The following RAPH1 variants were observed in gnomAD, a reference collection of about 807,000 sequenced individuals.
RAPH1 encodes ras-associated and pleckstrin homology domains-containing protein 1.
Under a neutral mutation model 88.1 loss-of-function variants are expected in RAPH1, and 18 were observed. The observed-to-expected ratio is 0.20, with a 90% CI of 0.14 to 0.30. RAPH1 has a LOEUF of 0.30. RAPH1 is among the 10% of genes least tolerant of loss of function. The pLI, the probability that RAPH1 is intolerant of heterozygous loss-of-function variation, is 1.00. For synonymous variants in RAPH1, 587 were observed against 559.0 expected, an observed-to-expected ratio of 1.05 and a Z score of -0.71; for missense variants, 1,448 against 1,543.2, an observed-to-expected ratio of 0.94 and a Z score of 1.03.
rs1299929622 is a variant in RAPH1, at chr2:203,437,635, G to A, written c.*1802C>T. 1 of 152,832 alleles carries A rather than the reference G, an allele frequency of 6.5e-6. No individual in the cohort carries two copies. Among genetic ancestry groups the A allele is most frequent in the Non-Finnish European group, 1.5e-5 (1 of 68,530 alleles). 9.5% of individuals were successfully genotyped at this position (152,832 alleles called of 1,614,324 possible). On this transcript the variant is annotated 3_prime_UTR_variant, in exon 14 of 14. Transcript: ENST00000319170. ...CATAACCGAACAATATTCTGGAGAT[G>A]TAGCAATGGAGAGGTGCTGTTCACT...
intron 4 of RAPH1, among the ~76,000 whole-genome samples, chr2:203,487,120 CAGAA>C (rs1180480924): frequency 1.3e-5 from 2 of 152,270 alleles, no homozygotes; most frequent in Non-Finnish European, 2.9e-5. Flanking sequence ...ATTTTACAGA[CAGAA>C]AGACATGCAT....
chr2:203,485,512 C>T (rs1438688258), intron 4 of RAPH1, among the ~76,000 whole-genome samples: 1 of 151,950 alleles, frequency 6.6e-6, no homozygotes, highest in Non-Finnish European at 1.5e-5. Flanking sequence ...CTTCCTGGTC[C>T]ATATACACTC....
At chr2:203,457,296 C>T (rs2256623) in intron 8 of RAPH1, among the ~76,000 whole-genome samples, 150,701 of 152,140 alleles carry the variant, frequency 0.99, 74,661 homozygotes, top group Middle Eastern at 1. Context: ...CAAGCAATTC[C>T]CTGCCTCAGC....
intron 1 of RAPH1, among the ~76,000 whole-genome samples, chr2:203,520,669 T>C (rs551583669): frequency 8.9e-4 from 135 of 151,770 alleles, no homozygotes; most frequent in African/African-American, 3.2e-3. Context: ...TTATTTCTAA[T>C]AACCATACTT....
intron 1 of RAPH1, among the ~76,000 whole-genome samples, chr2:203,501,039 C>T (rs760278840): frequency 6.0e-4 from 91 of 152,120 alleles, no homozygotes; most frequent in African/African-American, 2.1e-3. Flanking sequence ...GAGAAAGGGG[C>T]AGGAGGGAGG....
intron 7 of RAPH1, among the ~76,000 whole-genome samples, chr2:203,458,598 C>T (rs2098521747): frequency 6.6e-6 from 1 of 152,124 alleles, no homozygotes; most frequent in African/African-American, 2.4e-5. Flanking sequence ...CAATGCCTAC[C>T]TATCATTTAA....
chr2:203,441,422 A>ATT lies in RAPH1; in HGVS notation c.1777-10_1777-9insAA. On this transcript the variant is annotated splice_polypyrimidine_tract_variant and intron_variant, in intron 13 of 13. Coordinates refer to ENST00000319170, the MANE Select transcript of RAPH1 (RefSeq NM_213589.3). ...ATAGACTCCATTCTGGCCTAAAAGG[A>ATT]GTATAAAAAGGGAGTGGGAGAGAGA... The ATT allele has an allele frequency of 6.6e-7, 1 of 1,522,696 alleles. No individual in the cohort carries two copies. The highest frequency in any genetic ancestry group is 8.8e-7 in the Non-Finnish European group (1 of 1,139,288). 94.3% of individuals were successfully genotyped at this position (1,522,696 alleles called of 1,614,324 possible).
intron 4 of RAPH1, among the ~76,000 whole-genome samples, chr2:203,477,677 CCCCT>C (rs1687526354): frequency 1.3e-5 from 2 of 152,124 alleles, no homozygotes; most frequent in African/African-American, 4.8e-5. Context: ...TTTTTATCCT[CCCCT>C]CGAATTCTAG....
chr2:203,472,686 GATC>G (rs1222809092), intron 4 of RAPH1, among the ~76,000 whole-genome samples: 2 of 152,118 alleles, frequency 1.3e-5, no homozygotes, highest in South Asian at 2.1e-4. Flanking sequence ...TCTATATTCA[GATC>G]ATTATATTTC....
At chr2:203,452,189 T>C (rs1012123683) in intron 10 of RAPH1, among the ~76,000 whole-genome samples, 1 of 152,190 alleles carries the variant, frequency 6.6e-6, no homozygotes, top group Non-Finnish European at 1.5e-5. Flanking sequence ...CCCCAATAAC[T>C]TTCTTTTACG....
intron 8 of RAPH1, among the ~76,000 whole-genome samples, chr2:203,456,736 G>T (rs1056436466): frequency 6.6e-6 from 1 of 151,862 alleles, no homozygotes; most frequent in African/African-American, 2.4e-5. Context: ...GGTAAGTAAG[G>T]GTTTATTCAG....
At chr2:203,455,680 A>T in intron 8 of RAPH1, 100 bp from the exon 9 acceptor site, 1 of 1,128,408 alleles carries the variant, frequency 8.9e-7, no homozygotes, top group Non-Finnish European at 1.3e-6. Context: ...TTAAACCAAA[A>T]TGGTTTTATA....
chr2:203,502,043 T>C (rs1043203528), intron 1 of RAPH1, among the ~76,000 whole-genome samples: 5 of 152,046 alleles, frequency 3.3e-5, no homozygotes, highest in Non-Finnish European at 7.4e-5. Context: ...ATGAAGCAAA[T>C]TTAAAGGAAG....
At chr2:203,515,421 T>C (rs1689557249) in intron 1 of RAPH1, among the ~76,000 whole-genome samples, 1 of 152,196 alleles carries the variant, frequency 6.6e-6, no homozygotes, top group Non-Finnish European at 1.5e-5. Context: ...TAGTGCCCTG[T>C]TTTTCATCAT....
chr2:203,454,985 T>C (rs1036389459), intron 9 of RAPH1, among the ~76,000 whole-genome samples: 1 of 152,182 alleles, frequency 6.6e-6, no homozygotes, highest in Admixed American at 6.5e-5. Context: ...CATAGGACTA[T>C]TGTGAAGACT....
chr2:203,469,772 T>A (rs1368790243), intron 4 of RAPH1, among the ~76,000 whole-genome samples: 4 of 152,216 alleles, frequency 2.6e-5, no homozygotes, highest in Non-Finnish European at 5.9e-5. Flanking sequence ...TGCAGCTTCC[T>A]CTTTCAATTT....
intron 1 of RAPH1, among the ~76,000 whole-genome samples, chr2:203,505,035 C>A (rs1385276263): frequency 3.3e-5 from 5 of 152,188 alleles, no homozygotes; most frequent in African/African-American, 4.8e-5. Context: ...AGTCTCCAGA[C>A]AGTTTCACAC....
At chr2:203,526,662 T>C (rs1169266700) in intron 1 of RAPH1, among the ~76,000 whole-genome samples, 1 of 141,234 alleles carries the variant, frequency 7.1e-6, no homozygotes, top group Non-Finnish European at 1.5e-5. Flanking sequence ...AAGGCAGAGG[T>C]TGCAGTGAGC....
chr2:203,506,866 A>ATATAGATATATATATATC (rs1689093932), intron 1 of RAPH1, among the ~76,000 whole-genome samples: 1 of 90,662 alleles, frequency 1.1e-5, no homozygotes, highest in Non-Finnish European at 1.9e-5. Flanking sequence ...CTATATATAT[A>ATATAGATATATATATATC]TATATATATA....
Sources: allele counts gnomAD v4.1 joint callset (sites outside exome capture counted in the v4.1 genomes callset), GRCh38; gene constraint gnomAD v4.1.1; transcripts MANE v1.5; gene names NCBI Gene and HGNC (gene_info 2026-07-23, HGNC 2026-07-21).